TMTC4: variants seen among roughly 807,000 people sequenced by gnomAD.
TMTC4 encodes the protein transmembrane O-mannosyltransferase targeting cadherins 4.
TMTC4 carries 65 observed loss-of-function variants against 86.0 expected under a neutral mutation model. The observed-to-expected ratio is 0.76, with a 90% CI of 0.62 to 0.93. TMTC4 has a LOEUF of 0.93. TMTC4 is among the 40% of genes least tolerant of loss of function. TMTC4 has a pLI of 0.00. For synonymous variants in TMTC4, 379 were observed against 382.5 expected, an observed-to-expected ratio of 0.99 and a Z score of 0.11; for missense variants, 866 against 948.1, an observed-to-expected ratio of 0.91 and a Z score of 1.14.
rs541063748 is a variant in TMTC4 at position 100,658,005 on chromosome 13, G to A, written c.553-1537C>T. Among the ~76,000 whole-genome samples, 9 of 152,206 alleles carry A rather than the reference G, an allele frequency of 5.9e-5. No homozygotes were observed. The East Asian group carries it at 1.5e-3, about 26-fold the overall frequency. Reference sequence around the variant, plus strand: ...ACACCACACACACACAAACACTACCGAGAAGGAAGCCAGGGACAAAACAAA... The same window carrying A: ...ACACCACACACACACAAACACTACCAAGAAGGAAGCCAGGGACAAAACAAA... On this transcript the variant is annotated intron_variant, in intron 5 of 18. Coordinates refer to ENST00000342624, the MANE Select transcript of TMTC4 (RefSeq NM_032813.5).
rs1472790859 is a variant in TMTC4, at chr13:100,636,603, A to C, written c.1131T>G (p.Leu377=). 6.2e-7 allele frequency: 1 copy of C among 1,614,254 alleles called. No homozygotes were observed. Among genetic ancestry groups the C allele is most frequent in the Non-Finnish European group, 8.5e-7 (1 of 1,180,044 alleles). ...KSISDWRVIA[L]AALWFCLIGL... ...CAATTAGGCAGAACCAGAGTGCTGC[A>C]AGTGCAATTACCCTCCAGTCGCTGA... is the stretch of plus-strand genomic sequence containing the variant. The change falls in exon 10 of 19, where the codon CTT becomes CTG. Residue 377 remains leucine (L), a synonymous_variant. Transcript: ENST00000342624.
intron 15 of TMTC4, among the ~76,000 whole-genome samples, chr13:100,617,123 TA>T (rs2138742231): frequency 7.2e-6 from 1 of 139,574 alleles, no homozygotes; most frequent in Non-Finnish European, 1.6e-5. Flanking sequence ...GGTTTTCTTC[TA>T]GGATTTTTTT....
intron 6 of TMTC4, among the ~76,000 whole-genome samples, chr13:100,645,815 A>G (rs962185064): frequency 6.6e-6 from 1 of 152,144 alleles, no homozygotes; most frequent in Non-Finnish European, 1.5e-5. Flanking sequence ...CACTCATCAC[A>G]TGTGGGCTAC....
intron 6 of TMTC4, among the ~76,000 whole-genome samples, chr13:100,652,479 G>C (rs1018291994): frequency 1.3e-5 from 2 of 152,010 alleles, no homozygotes; most frequent in Non-Finnish European, 2.9e-5. Flanking sequence ...ACTTGGTCTC[G>C]AAATAAATAA....
At chr13:100,663,790 T>A (rs1886084582) in intron 4 of TMTC4, among the ~76,000 whole-genome samples, 1 of 152,168 alleles carries the variant, frequency 6.6e-6, no homozygotes, top group Admixed American at 6.5e-5. Flanking sequence ...GGTAAATGCA[T>A]CTATTAAGTG....
At chr13:100,668,318 G>A (rs777779667) in intron 3 of TMTC4, 4 of 445,354 alleles carry the variant, frequency 9.0e-6, no homozygotes, top group African/African-American at 2.0e-5. Flanking sequence ...TAGAATAACG[G>A]CCTCTTTGAT....
intron 12 of TMTC4, among the ~76,000 whole-genome samples, chr13:100,631,728 A>G (rs967038356): frequency 1.3e-5 from 2 of 152,224 alleles, no homozygotes; most frequent in African/African-American, 2.4e-5. Context: ...TATTCAATAG[A>G]TATCAAATGA....
At chr13:100,639,910 A>G (rs1566606100) in intron 7 of TMTC4, among the ~76,000 whole-genome samples, 1 of 152,196 alleles carries the variant, frequency 6.6e-6, no homozygotes, top group African/African-American at 2.4e-5. Context: ...ACTGCACTCC[A>G]GCCAGAGCGA....
chr13:100,621,863 A>G (rs919977295), intron 15 of TMTC4, among the ~76,000 whole-genome samples: 7 of 152,222 alleles, frequency 4.6e-5, no homozygotes, highest in Admixed American at 3.3e-4. Flanking sequence ...GTAAGACCTC[A>G]TGTGCTCCCA....
In TMTC4 at chr13:100,670,501, TG is replaced by T. The variant is rs1279736345; in HGVS notation, c.-140del. On this transcript the variant is annotated 5_prime_UTR_variant, in exon 2 of 19. Coordinates refer to ENST00000342624, the MANE Select transcript of TMTC4 (RefSeq NM_032813.5). Reference sequence around the variant, plus strand: ...CATACGGCATGCTCTCAGCAAGTGCTGGGGGAATACTGCAGCTACTTTTCTT... The same window carrying T: ...CATACGGCATGCTCTCAGCAAGTGCTGGGGAATACTGCAGCTACTTTTCTT... 1.3e-6 allele frequency: 1 copy of T among 775,022 alleles called. No individual in the cohort carries two copies. Among genetic ancestry groups the T allele is most frequent in the Non-Finnish European group, 2.0e-6 (1 of 508,326 alleles). The allele number at this position is 775,022 out of a possible 1,614,324, so 48.0% of individuals were successfully genotyped here. A position where few individuals can be genotyped will look rare whatever the true frequency, so the allele number is the denominator to read the frequency against.
At chr13:100,640,768 C>T (rs1882899102) in intron 7 of TMTC4, among the ~76,000 whole-genome samples, 1 of 151,056 alleles carries the variant, frequency 6.6e-6, no homozygotes, top group Non-Finnish European at 1.5e-5. Context: ...AATCACGCCA[C>T]TGCCCTCCCT....
intron 6 of TMTC4, among the ~76,000 whole-genome samples, chr13:100,649,762 A>AAAAT (rs3059451): frequency 0.22 from 33,083 of 148,644 alleles, 3,984 homozygotes; most frequent in Middle Eastern, 0.27. Context: ...ATTCTTCTTC[A>AAAAT]AAATAAATAA....
At chr13:100,612,842 A>G (rs1241573375) in intron 16 of TMTC4, among the ~76,000 whole-genome samples, 1 of 152,248 alleles carries the variant, frequency 6.6e-6, no homozygotes. Context: ...CTGCAAAATA[A>G]GAGGATGACA....
At chr13:100,645,510 G>A (rs993084547) in intron 6 of TMTC4, among the ~76,000 whole-genome samples, 2 of 151,582 alleles carry the variant, frequency 1.3e-5, no homozygotes, top group Non-Finnish European at 2.9e-5. Flanking sequence ...CTGTGAGCAG[G>A]TAAGCCCGGT....
At chr13:100,663,276 A>C in intron 4 of TMTC4, 96 bp from the exon 5 acceptor site, 1 of 1,088,422 alleles carries the variant, frequency 9.2e-7, no homozygotes, top group Non-Finnish European at 1.4e-6. Flanking sequence ...GGAAATATTA[A>C]AAGGAGAAGC....
intron 15 of TMTC4, among the ~76,000 whole-genome samples, chr13:100,615,962 G>A (rs180886372): frequency 1.3e-4 from 20 of 152,104 alleles, no homozygotes; most frequent in Admixed American, 3.3e-4. Flanking sequence ...ATGTATTAGC[G>A]CTCACTTATG....
At chr13:100,662,417 T>A (rs1048606981) in intron 5 of TMTC4, among the ~76,000 whole-genome samples, 3 of 151,974 alleles carry the variant, frequency 2.0e-5, no homozygotes, top group African/African-American at 7.2e-5. Flanking sequence ...TAAATTTTTA[T>A]CCTGCCAGGC....
At chr13:100,659,042 T>A (rs1362086453) in intron 5 of TMTC4, among the ~76,000 whole-genome samples, 1 of 152,204 alleles carries the variant, frequency 6.6e-6, no homozygotes, top group East Asian at 1.9e-4. Flanking sequence ...CTACAAAGGC[T>A]ATTTTTTTTC....
chr13:100,656,545 T>A, intron 5 of TMTC4, 77 bp from the exon 6 acceptor site: 3 of 557,766 alleles, frequency 5.4e-6, no homozygotes, highest in Non-Finnish European at 7.7e-6. Flanking sequence ...GACATAACTT[T>A]TTTTTTTTTT....
Sources: gnomAD v4.1 joint callset for allele counts (sites outside exome capture counted in the v4.1 genomes callset) on GRCh38, gnomAD v4.1.1 for gene constraint, MANE v1.5 for transcripts, NCBI Gene and HGNC (gene_info 2026-07-23, HGNC 2026-07-21) for gene names.